The following NDUFS1 variants were observed in gnomAD, a reference collection of about 807,000 sequenced individuals.
NDUFS1 encodes NADH-ubiquinone oxidoreductase 75 kDa subunit, mitochondrial.
Under a neutral mutation model 84.4 loss-of-function variants are expected in NDUFS1, and 61 were observed. The ratio of observed to expected loss-of-function variants is 0.72; its 90% CI spans 0.59 to 0.89. The LOEUF is 0.89. Ranked by LOEUF, NDUFS1 falls within the 40% of genes least tolerant of loss-of-function variation. The probability of loss-of-function intolerance (pLI) is 0.00; values close to 1 mark genes in which losing one functional copy is unlikely to be tolerated. For synonymous variants in NDUFS1, 275 were observed against 290.0 expected (o/e 0.95, Z 0.53); for missense variants, 891 against 890.0 (o/e 1.00, Z -0.01).
At chr2:206,149,738 T>C (rs1692294944) in intron 4 of NDUFS1, 80 bp downstream of exon 4, 2 of 1,019,156 alleles carry the variant, frequency 2.0e-6, no homozygotes, top group African/African-American at 1.6e-5. Context: ...ACTACGATAT[T>C]GATTCTAAAT....
intron 1 of NDUFS1, chr2:206,159,041 G>T: frequency 1.3e-6 from 2 of 1,527,764 alleles, no homozygotes; most frequent in Non-Finnish European, 1.8e-6. Flanking sequence ...CTCCTCCTCT[G>T]AGAGGGAAAT....
Position 206,115,589 on chromosome 2 carries a change from G to A in NDUFS1, c.*8596C>T, listed in dbSNP as rs73065773. ...GAAGAAGTGAGTATTTTATTATTTTGCTGTACAGCTGTTGCTTCACTATAT... is the reference window on the plus strand; with the variant it reads ...GAAGAAGTGAGTATTTTATTATTTTACTGTACAGCTGTTGCTTCACTATAT... On this transcript the variant is annotated 3_prime_UTR_variant, in exon 19 of 19. Transcript: ENST00000233190. 1,342 of 185,220 alleles carry A rather than the reference G, an allele frequency of 7.2e-3. 16 individuals are homozygous for A. Among genetic ancestry groups the A allele is most frequent in the African/African-American group, 0.031 (1,271 of 41,424 alleles). 11.5% of individuals were successfully genotyped at this position (185,220 alleles called of 1,614,324 possible).
intron 12 of NDUFS1, among the ~76,000 whole-genome samples, chr2:206,139,165 A>G (rs1691837927): frequency 6.6e-6 from 1 of 151,768 alleles, no homozygotes; most frequent in South Asian, 2.1e-4. Flanking sequence ...CTAGTAAGCC[A>G]GCTATAAAAG....
At position 206,144,046 on chromosome 2, in the gene NDUFS1, T is replaced by A; in HGVS notation, c.959A>T (p.Glu320Val). ...TCCAGCTACGCGAGAGAGCGCATCC[T>A]CCCAAGAAGTATAGGTTAAAAGCCC... is the stretch of plus-strand genomic sequence containing the variant. ...EKGLLTYTSW[E>V]DALSRVAGML... Residue 320 changes from glutamate to valine, a missense_variant, in exon 10 of 19, where the codon GAG becomes GTG. Coordinates refer to ENST00000233190, the MANE Select transcript of NDUFS1 (RefSeq NM_005006.7). 1 of 1,613,678 alleles carries A rather than the reference T, an allele frequency of 6.2e-7. No homozygotes were observed. Among genetic ancestry groups the A allele is most frequent in the Non-Finnish European group, 8.5e-7 (1 of 1,179,582 alleles).
intron 2 of NDUFS1, 120 bp downstream of exon 2, chr2:206,153,498 T>C: frequency 3.0e-6 from 2 of 673,402 alleles, no homozygotes; most frequent in Non-Finnish European, 5.2e-6. Flanking sequence ...ACCCGGCCGG[T>C]TTCTATTTTT....
chr2:206,147,285 C>T (rs563322758), intron 7 of NDUFS1, among the ~76,000 whole-genome samples, 197 bp from the exon 8 acceptor site: 1 of 152,298 alleles, frequency 6.6e-6, no homozygotes, highest in African/African-American at 2.4e-5. Context: ...GAAACTTGTA[C>T]AAATCATATG....
At chr2:206,132,875 G>GT (rs1256340032) in intron 14 of NDUFS1, 70 bp downstream of exon 14, 5 of 1,348,214 alleles carry the variant, frequency 3.7e-6, no homozygotes, top group Non-Finnish European at 5.3e-6. Context: ...ATTTAACAGT[G>GT]TATCAGGAAC....
intron 14 of NDUFS1, among the ~76,000 whole-genome samples, chr2:206,132,158 AG>A (rs1412210529): frequency 2.0e-5 from 3 of 152,026 alleles, no homozygotes; most frequent in African/African-American, 7.2e-5. Context: ...CGCAGGGTAA[AG>A]AAAAAAACTA....
At chr2:206,153,186 T>C (rs1559065887) in intron 2 of NDUFS1, among the ~76,000 whole-genome samples, 2 of 152,028 alleles carry the variant, frequency 1.3e-5, no homozygotes, top group South Asian at 4.2e-4. Context: ...ACTTAGATCA[T>C]TTGTTTCTTC....
chr2:206,141,472 A>C (rs1019097851), intron 12 of NDUFS1, among the ~76,000 whole-genome samples: 1 of 151,780 alleles, frequency 6.6e-6, no homozygotes, highest in African/African-American at 2.4e-5. Context: ...GCGGAGCTTG[A>C]AGTGAGCCGA....
intron 1 of NDUFS1, among the ~76,000 whole-genome samples, chr2:206,158,582 G>A (rs1351709658): frequency 6.6e-6 from 1 of 152,178 alleles, no homozygotes; most frequent in Admixed American, 6.5e-5. Flanking sequence ...AAAAAGTGCA[G>A]GTGCTCTGGC....
intron 3 of NDUFS1, 118 bp from the exon 4 acceptor site, chr2:206,150,043 A>ATCTATCTATCTATCTATCTG (rs1394900930): frequency 1.4e-6 from 1 of 724,966 alleles, no homozygotes; most frequent in African/African-American, 1.8e-5. Context: ...CTATCTATCT[A>ATCTATCTATCTATCTATCTG]TCTATCTATC....
At chr2:206,139,030 C>T (rs71429712) in intron 12 of NDUFS1, among the ~76,000 whole-genome samples, 8 of 151,558 alleles carry the variant, frequency 5.3e-5, no homozygotes, top group African/African-American at 1.9e-4. Context: ...GCAGGAGAAT[C>T]GCTTGAACCC....
At chr2:206,134,917 C>T (rs1001351547) in intron 13 of NDUFS1, among the ~76,000 whole-genome samples, 1 of 152,042 alleles carries the variant, frequency 6.6e-6, no homozygotes, top group African/African-American at 2.4e-5. Flanking sequence ...TTTGAGGCTA[C>T]AGTCAGCTAC....
intron 1 of NDUFS1, among the ~76,000 whole-genome samples, chr2:206,158,241 A>C (rs1265349980): frequency 6.6e-6 from 1 of 152,024 alleles, no homozygotes; most frequent in Non-Finnish European, 1.5e-5. Context: ...GGATTACAGG[A>C]GTGAGCCACC....
chr2:206,129,911 AG>A (rs1269342875), intron 15 of NDUFS1, among the ~76,000 whole-genome samples, 176 bp downstream of exon 15: 9 of 152,210 alleles, frequency 5.9e-5, no homozygotes, highest in African/African-American at 2.2e-4. Context: ...TCTTAAAAGC[AG>A]TATCAATTAT....
Position 206,149,894 on chromosome 2 carries a change from C to G in NDUFS1, c.185G>C (p.Arg62Pro). The change falls in exon 4 of 19, where the codon CGA becomes CCA. Residue 62 changes from arginine (R) to proline (P), a missense_variant. Physicochemically the swap from Arg to Pro is moderately radical, Grantham distance 103. Coordinates refer to ENST00000233190, the MANE Select transcript of NDUFS1 (RefSeq NM_005006.7). ...AGACAACCTTTCATGATAACAGAAT[C>G]GAGGGATCTGCATGCCAACCTTCTC... ...ACEKVGMQIP[R>P]FCYHERLSVA... 1 of 1,510,512 alleles carries G rather than the reference C, an allele frequency of 6.6e-7. No homozygotes were observed. Among genetic ancestry groups the G allele is most frequent in the East Asian group, 2.5e-5 (1 of 40,524 alleles). 93.6% of individuals were successfully genotyped at this position (1,510,512 alleles called of 1,614,324 possible). A position where few individuals can be genotyped will look rare whatever the true frequency, so the allele number is the denominator to read the frequency against.
chr2:206,140,930 A>ATATATATATACACACACACATATACAC (rs1559053860), intron 12 of NDUFS1, among the ~76,000 whole-genome samples: 3 of 134,732 alleles, frequency 2.2e-5, no homozygotes, highest in African/African-American at 8.9e-5. Flanking sequence ...GTGTATATAT[A>ATATATATATACACACACACATATACAC]TATATATATA....
At position 206,124,268 on chromosome 2, in the gene NDUFS1, T is replaced by A. The variant is rs1414462413; in HGVS notation, c.2101A>T (p.Ser701Cys). The change falls in exon 19 of 19, where the codon AGC (serine) becomes TGC (cysteine). Residue 701 changes from serine to cysteine, a missense_variant. Physicochemically the swap from Ser to Cys is moderately radical, Grantham distance 112. Coordinates refer to ENST00000233190, the MANE Select transcript of NDUFS1 (RefSeq NM_005006.7). ...IKDFYMTDSI[S>C]RASQTMAKCV... is the part of the protein sequence containing the mutation. Reference sequence around the variant, plus strand: ...TTGGCCATTGTCTGTGAGGCTCTGCTAATTGAATCTGAAAGATATTAAGAA... The same window carrying A: ...TTGGCCATTGTCTGTGAGGCTCTGCAAATTGAATCTGAAAGATATTAAGAA... 1 of 1,609,102 alleles carries A rather than the reference T, an allele frequency of 6.2e-7. No individual in the cohort carries two copies.
Sources: gnomAD v4.1 joint callset for allele counts (sites outside exome capture counted in the v4.1 genomes callset) on GRCh38, gnomAD v4.1.1 for gene constraint, MANE v1.5 for transcripts, NCBI Gene and HGNC (gene_info 2026-07-23, HGNC 2026-07-21) for gene names.